Variants in SNX2 observed in about 807,000 individuals in gnomAD.
SNX2 encodes sorting nexin-2.
SNX2 carries 25 observed loss-of-function variants against 69.9 expected under a neutral mutation model. The observed-to-expected ratio is 0.36, with a 90% confidence interval of 0.26 to 0.50. The LOEUF is 0.50. SNX2 is among the 20% of genes least tolerant of loss of function. The probability of loss-of-function intolerance (pLI) is 0.97; values close to 1 mark genes in which losing one functional copy is unlikely to be tolerated. For synonymous variants in SNX2, 229 were observed against 200.4 expected (o/e 1.14, Z -1.20); for missense variants, 551 against 613.3 (o/e 0.90, Z 1.07).
At chr5:122,827,020 TA>T (rs1287032986) in intron 12 of SNX2, among the ~76,000 whole-genome samples, 1 of 152,108 alleles carries the variant, frequency 6.6e-6, no homozygotes, top group Non-Finnish European at 1.5e-5. Context: ...ATTATTGATA[TA>T]AAAAAGTAAT....
intron 11 of SNX2, among the ~76,000 whole-genome samples, chr5:122,824,800 C>G (rs183375505): frequency 6.6e-6 from 1 of 152,194 alleles, no homozygotes; most frequent in African/African-American, 2.4e-5. Context: ...TAACAGTTAA[C>G]TACATTTACA....
chr5:122,809,721 A>G (rs545338983), intron 7 of SNX2, among the ~76,000 whole-genome samples: 158 of 152,278 alleles, frequency 1.0e-3, no homozygotes, highest in Non-Finnish European at 1.5e-3. Flanking sequence ...AAACTATTTC[A>G]AGGCAACTTA....
chr5:122,828,854 C>G (rs958093728), intron 14 of SNX2, among the ~76,000 whole-genome samples: 3 of 152,158 alleles, frequency 2.0e-5, no homozygotes, highest in African/African-American at 7.2e-5. Context: ...CGCAGCGGCT[C>G]ATGCCTGTAA....
Position 122,829,648 on chromosome 5 carries a change from G to C in SNX2, c.1560G>C (p.Ter520TyrextTer2). The change falls in exon 15 of 15, where the codon TAG becomes TAC. Residue 520 changes from the stop codon to tyrosine, a stop_lost. Coordinates refer to ENST00000379516, the MANE Select transcript of SNX2 (RefSeq NM_003100.4). ...AFLPEAKAIA[*>Y] Reference sequence around the variant, plus strand: ...TACCTGAAGCCAAAGCCATTGCCTAGCAATAAGATTGTTGCCGTTAAGAAG... The same window carrying C: ...TACCTGAAGCCAAAGCCATTGCCTACCAATAAGATTGTTGCCGTTAAGAAG... 2 of 1,612,900 alleles carry C rather than the reference G, an allele frequency of 1.2e-6. No individual in the cohort carries two copies. The highest frequency in any genetic ancestry group is 8.5e-7 in the Non-Finnish European group (1 of 1,178,958).
intron 7 of SNX2, among the ~76,000 whole-genome samples, chr5:122,814,702 T>C (rs1241882406): frequency 6.6e-6 from 1 of 152,126 alleles, no homozygotes; most frequent in Non-Finnish European, 1.5e-5. Context: ...AAAAATATTA[T>C]AACTGAAATA....
Position 122,831,171 on chromosome 5 carries a change from C to G in SNX2, c.*1523C>G, listed in dbSNP as rs1056816134. ...TAACTAAGTCATCTCTAGTGAGTCA[C>G]TGGATACAATTTATATATCGAAGTA... On this transcript the variant is annotated 3_prime_UTR_variant, in exon 15 of 15. Coordinates refer to ENST00000379516, the MANE Select transcript of SNX2 (RefSeq NM_003100.4). 2.0e-5 allele frequency among the ~76,000 whole-genome samples: 3 copies of G among 152,192 alleles called. No homozygotes were observed. The highest frequency in any genetic ancestry group is 7.2e-5 in the African/African-American group (3 of 41,460).
intron 1 of SNX2, among the ~76,000 whole-genome samples, chr5:122,783,663 A>G (rs1279162737): frequency 6.6e-6 from 1 of 152,188 alleles, no homozygotes; most frequent in African/African-American, 2.4e-5. Context: ...CCCAGTCTAC[A>G]CTGTCTTGAT....
At chr5:122,822,244 C>T (rs1463435764) in intron 11 of SNX2, among the ~76,000 whole-genome samples, 1 of 152,172 alleles carries the variant, frequency 6.6e-6, no homozygotes, top group African/African-American at 2.4e-5. Context: ...GCGTGTGCCA[C>T]CACAGCCAGC....
intron 7 of SNX2, among the ~76,000 whole-genome samples, chr5:122,810,568 G>A (rs1400795902): frequency 1.3e-5 from 2 of 152,130 alleles, no homozygotes; most frequent in Non-Finnish European, 2.9e-5. Flanking sequence ...GGAACTTAAT[G>A]AAGATTTACT....
chr5:122,804,124 CA>C (rs151096229), intron 6 of SNX2, among the ~76,000 whole-genome samples: 38 of 148,508 alleles, frequency 2.6e-4, no homozygotes, highest in Non-Finnish European at 3.0e-5. Context: ...GACTCCGTCT[CA>C]AAAAAAAAAT....
chr5:122,807,670 A>G (rs924760176), intron 6 of SNX2, among the ~76,000 whole-genome samples: 2 of 152,246 alleles, frequency 1.3e-5, no homozygotes, highest in Non-Finnish European at 2.9e-5. Context: ...TTGCCCTTAC[A>G]GAAGTAATTA....
chr5:122,830,756 C>T lies in SNX2; in HGVS notation c.*1108C>T, dbSNP rs1754267535. 6.6e-6 allele frequency among the ~76,000 whole-genome samples: 1 copy of T among 152,034 alleles called. No individual in the cohort carries two copies. The highest frequency in any genetic ancestry group is 2.1e-4 in the South Asian group (1 of 4,830). Reference sequence around the variant, plus strand: ...GGGTGTGGTGGCTCACGCCTGTAATCCTAGCACTTTGGGAGGCTGAGGTGG... The same window carrying T: ...GGGTGTGGTGGCTCACGCCTGTAATTCTAGCACTTTGGGAGGCTGAGGTGG... On this transcript the variant is annotated 3_prime_UTR_variant, in exon 15 of 15. Coordinates refer to ENST00000379516, the MANE Select transcript of SNX2 (RefSeq NM_003100.4).
At chr5:122,811,260 T>TC (rs1344832865) in intron 7 of SNX2, among the ~76,000 whole-genome samples, 1 of 152,156 alleles carries the variant, frequency 6.6e-6, no homozygotes, top group Non-Finnish European at 1.5e-5. Flanking sequence ...ACCCAAGTAT[T>TC]CCCCTGTGCC....
intron 2 of SNX2, among the ~76,000 whole-genome samples, chr5:122,797,100 T>G (rs1753398368): frequency 6.6e-6 from 1 of 152,186 alleles, no homozygotes; most frequent in Non-Finnish European, 1.5e-5. Context: ...GCTAATTTAT[T>G]CATGTTTTGT....
At chr5:122,801,489 C>G (rs951371712) in intron 3 of SNX2, among the ~76,000 whole-genome samples, 3 of 151,760 alleles carry the variant, frequency 2.0e-5, no homozygotes, top group African/African-American at 7.3e-5. Flanking sequence ...CCTGTAATCC[C>G]AGCTACTTGA....
chr5:122,784,476 T>C (rs1443786767), intron 1 of SNX2, among the ~76,000 whole-genome samples: 2 of 152,044 alleles, frequency 1.3e-5, no homozygotes, highest in Non-Finnish European at 2.9e-5. Context: ...TTTTCTTCTT[T>C]AGTTTATTGA....
At chr5:122,793,910 T>TCC (rs11422617) in intron 1 of SNX2, among the ~76,000 whole-genome samples, 5 of 129,418 alleles carry the variant, frequency 3.9e-5, no homozygotes, top group African/African-American at 5.8e-5. Context: ...CAAAATTCTG[T>TCC]CCCCCCAAAA....
At chr5:122,798,856 C>T (rs1254723010) in intron 2 of SNX2, among the ~76,000 whole-genome samples, 2 of 152,118 alleles carry the variant, frequency 1.3e-5, no homozygotes, top group African/African-American at 4.8e-5. Context: ...AGTGTTTGTT[C>T]TGTAGCTCAT....
At chr5:122,803,002 C>G (rs1177288604) in intron 5 of SNX2, among the ~76,000 whole-genome samples, 2 of 152,126 alleles carry the variant, frequency 1.3e-5, no homozygotes, top group African/African-American at 4.8e-5. Flanking sequence ...GATAAATATT[C>G]ATTAAACACC....
Sources: allele counts gnomAD v4.1 joint callset (sites outside exome capture counted in the v4.1 genomes callset), GRCh38; gene constraint gnomAD v4.1.1; transcripts MANE v1.5; gene names NCBI Gene and HGNC (gene_info 2026-07-23, HGNC 2026-07-21).